The following MMP28 variants were observed in gnomAD, a reference collection of about 807,000 sequenced individuals.
MMP28 encodes matrix metallopeptidase 28, also known as matrix metalloproteinase-28.
Under a neutral mutation model 60.5 loss-of-function variants are expected in MMP28, and 55 were observed. The observed-to-expected ratio is 0.91, with a 90% confidence interval of 0.73 to 1.14. The LOEUF is 1.14. Among genes scored for constraint, MMP28 ranks in the 50% most tolerant of loss-of-function variants. The pLI, the probability that MMP28 is intolerant of heterozygous loss-of-function variation, is 0.00. For synonymous variants in MMP28, 318 were observed against 312.5 expected, an observed-to-expected ratio of 1.02 and a Z score of -0.18; for missense variants, 686 against 738.3, an observed-to-expected ratio of 0.93 and a Z score of 0.82.
chr17:35,787,794 G>A (rs1555610839), intron 1 of MMP28, among the ~76,000 whole-genome samples: 1 of 149,892 alleles, frequency 6.7e-6, no homozygotes, highest in African/African-American at 2.5e-5. Flanking sequence ...CAGCCCCTTT[G>A]TCCTTAGTCT....
intron 1 of MMP28, among the ~76,000 whole-genome samples, chr17:35,789,088 C>T (rs2086735908): frequency 6.6e-6 from 1 of 152,206 alleles, no homozygotes; most frequent in African/African-American, 2.4e-5. Context: ...CCTGGCAAAG[C>T]CCACTCTGGA....
chr17:35,757,017 G>C (rs1767350568), intron 2 of MMP28, among the ~76,000 whole-genome samples: 2 of 151,874 alleles, frequency 1.3e-5, no homozygotes, highest in African/African-American at 4.8e-5. Flanking sequence ...GGGCAACATG[G>C]TGAAATCCTG....
At chr17:35,763,848 G>T, downstream of MMP28, 2 of 519,636 alleles carry the variant, frequency 3.8e-6, no homozygotes, top group Non-Finnish European at 5.6e-6. Flanking sequence ...AGTGAGCAGA[G>T]ATCACGCCAC....
At chr17:35,787,035 C>T (rs1375349352) in intron 1 of MMP28, among the ~76,000 whole-genome samples, 1 of 152,110 alleles carries the variant, frequency 6.6e-6, no homozygotes, top group Non-Finnish European at 1.5e-5. Flanking sequence ...GACTCAGAGG[C>T]TTTAAAACTA....
Position 35,766,905 on chromosome 17 carries a change from T to C in MMP28, c.1169-11A>G, listed in dbSNP as rs985459429. On this transcript the variant is annotated splice_polypyrimidine_tract_variant and intron_variant, in intron 7 of 7. Coordinates refer to ENST00000605424, the MANE Select transcript of MMP28 (RefSeq NM_024302.5). This position sits in a 1 kb window ranked among gnomAD's most constrained non-coding sequence, Gnocchi z 4.3. ...TCCAGCATCGACCCCCTGTGGGGAA[T>C]TGGGAGAGCCAGGGTGAGCTGGAGG... is the stretch of plus-strand genomic sequence containing the variant. The C allele has an allele frequency of 4.5e-6, 7 of 1,565,384 alleles. No homozygotes were observed. Among genetic ancestry groups the C allele is most frequent in the Non-Finnish European group, 5.2e-6 (6 of 1,156,236 alleles).
intron 1 of MMP28, among the ~76,000 whole-genome samples, chr17:35,780,573 G>A (rs186600385): frequency 1.4e-4 from 22 of 152,152 alleles, no homozygotes; most frequent in Admixed American, 1.1e-3. Context: ...AGTGGCTCAC[G>A]CCTGTAATCC....
intron 3 of MMP28, 175 bp downstream of exon 3, chr17:35,778,705 GAATTAAAT>G: frequency 2.2e-6 from 3 of 1,370,984 alleles, no homozygotes; most frequent in South Asian, 3.0e-5. Context: ...GTGTCATTCT[GAATTAAAT>G]GTCTGTATTC....
chr17:35,789,369 C>T (rs1460475686), intron 1 of MMP28, among the ~76,000 whole-genome samples: 2 of 152,180 alleles, frequency 1.3e-5, no homozygotes, highest in Non-Finnish European at 2.9e-5. Flanking sequence ...GAGAGGAAAC[C>T]GCAGCCAAGT....
In MMP28 at chr17:35,768,276, C is replaced by A; in HGVS notation, c.954G>T (p.Thr318=). ...SYSPQGRRPE[T]QGPKYCHSSF... is the part of the protein sequence containing the mutation. ...AAGAGTGGCAGTATTTAGGGCCCTG[C>A]GTTTCAGGGCGCCTTCCTTGGGGGC... Residue 318 remains threonine (T), a synonymous_variant, in exon 6 of 8, where the codon ACG becomes ACT. Transcript: ENST00000605424. 6.2e-7 allele frequency: 1 copy of A among 1,612,960 alleles called. No homozygotes were observed. Among genetic ancestry groups the A allele is most frequent in the Non-Finnish European group, 8.5e-7 (1 of 1,179,432 alleles).
intron 7 of MMP28, 93 bp downstream of exon 7, chr17:35,767,659 G>A: frequency 7.0e-7 from 1 of 1,428,560 alleles, no homozygotes; most frequent in South Asian, 1.3e-5. Context: ...GGACTCGTGT[G>A]AGAGTCTTCC....
chr17:35,782,051 CTTTTT>C (rs1399946214), intron 1 of MMP28, among the ~76,000 whole-genome samples: 1 of 130,868 alleles, frequency 7.6e-6, no homozygotes. Flanking sequence ...GTATTTCTCT[CTTTTT>C]TTTTTTTTTT....
At chr17:35,763,927 A>C, downstream of MMP28, 1 of 1,001,414 alleles carries the variant, frequency 1.0e-6, no homozygotes, top group Non-Finnish European at 1.3e-6. Flanking sequence ...TAAATAAATA[A>C]ATAAATAAAT....
chr17:35,773,881 C>G (rs1412274291), intron 3 of MMP28, among the ~76,000 whole-genome samples: 1 of 152,186 alleles, frequency 6.6e-6, no homozygotes, highest in Non-Finnish European at 1.5e-5. Context: ...CCCTGCCCCC[C>G]ACCATCTCTC....
downstream of MMP28, among the ~76,000 whole-genome samples, chr17:35,762,675 C>A (rs1024291580): frequency 6.6e-6 from 1 of 152,140 alleles, no homozygotes; most frequent in Non-Finnish European, 1.5e-5. Flanking sequence ...ATTTCCCTAA[C>A]TATAAGGCAC....
chr17:35,768,855 T>G (rs539841108), intron 5 of MMP28, among the ~76,000 whole-genome samples: 24 of 152,154 alleles, frequency 1.6e-4, no homozygotes, highest in African/African-American at 5.8e-4. Context: ...GTGCTAACCA[T>G]CAAACTAAAC....
rs966525867 is a variant in MMP28 at position 35,795,178 on chromosome 17, C to G, written c.111+89G>C. ...GGGGTAGGGTAACGCAGATTGTCTG[C>G]TCACAGGGGACTGCCGGGTGGCCTG... is the stretch of plus-strand genomic sequence containing the variant. On this transcript the variant is annotated intron_variant, in intron 1 of 7. Transcript: ENST00000605424. The G allele has an allele frequency of 3.6e-6, 3 of 822,348 alleles. No homozygotes were observed. The African/African-American group carries it at 5.4e-5, about 15-fold the overall frequency. The allele number at this position is 822,348 out of a possible 1,614,324, so 50.9% of individuals were successfully genotyped here. A position where few individuals can be genotyped will look rare whatever the true frequency, so the allele number is the denominator to read the frequency against.
intron 2 of MMP28, among the ~76,000 whole-genome samples, chr17:35,759,428 G>A (rs781875923): frequency 3.3e-5 from 5 of 152,176 alleles, no homozygotes; most frequent in East Asian, 1.9e-4. Context: ...CTGGCTGGGC[G>A]CAGTGGCTCA....
intron 3 of MMP28, 128 bp downstream of exon 3, chr17:35,778,760 C>T: frequency 2.6e-6 from 4 of 1,557,352 alleles, no homozygotes; most frequent in Non-Finnish European, 3.5e-6. Context: ...TCCTATTCAC[C>T]CACTCCTCCC....
At chr17:35,759,677 G>T (rs1015575637) in intron 2 of MMP28, among the ~76,000 whole-genome samples, 1 of 152,104 alleles carries the variant, frequency 6.6e-6, no homozygotes, top group African/African-American at 2.4e-5. Flanking sequence ...CTCCAGCCTG[G>T]GTGACGGTGA....
Sources: gnomAD v4.1 joint callset for allele counts (sites outside exome capture counted in the v4.1 genomes callset) on GRCh38, gnomAD v4.1.1 for gene constraint, Gnocchi (gnomAD v3.1) non-coding constraint, MANE v1.5 for transcripts, NCBI Gene and HGNC (gene_info 2026-07-23, HGNC 2026-07-21) for gene names.